The following TNNI3K variants were observed in gnomAD, a reference collection of about 807,000 sequenced individuals.
TNNI3K encodes TNNI3 interacting kinase.
Under a neutral mutation model 114.5 loss-of-function variants are expected in TNNI3K, and 140 were observed. The ratio of observed to expected loss-of-function variants is 1.22; its 90% confidence interval spans 1.07 to 1.41. The LOEUF is 1.41. TNNI3K is among the 40% of genes most tolerant of loss of function. The probability of loss-of-function intolerance (pLI) is 0.00; values close to 1 mark genes in which losing one functional copy is unlikely to be tolerated. For missense variants in TNNI3K, 1,125 were observed against 1,007.6 expected (o/e 1.12, Z -1.58); for synonymous variants, 347 against 347.5 (o/e 1.00, Z 0.02).
At chr1:74,355,265 A>G (rs570823780) in intron 11 of TNNI3K, among the ~76,000 whole-genome samples, 2 of 152,308 alleles carry the variant, frequency 1.3e-5, no homozygotes, top group Non-Finnish European at 2.9e-5. Context: ...TTATTAAGCT[A>G]TAAGATTTCC....
intron 5 of TNNI3K, among the ~76,000 whole-genome samples, chr1:74,296,059 A>C (rs1246639400): frequency 6.7e-6 from 1 of 150,266 alleles, no homozygotes; most frequent in African/African-American, 2.5e-5. Flanking sequence ...GCGGATCACA[A>C]GGTCAGAAGA....
At chr1:74,327,340 A>G (rs1474856031) in intron 5 of TNNI3K, among the ~76,000 whole-genome samples, 4 of 149,774 alleles carry the variant, frequency 2.7e-5, no homozygotes, top group Non-Finnish European at 5.9e-5. Context: ...GTACCAAGTT[A>G]CCAGCCCATA....
intron 5 of TNNI3K, among the ~76,000 whole-genome samples, chr1:74,310,365 G>T (rs1658913710): frequency 6.6e-6 from 1 of 152,114 alleles, no homozygotes; most frequent in Non-Finnish European, 1.5e-5. Context: ...ATGGATTGGA[G>T]AAATCAATTA....
At chr1:74,342,750 G>A (rs1660809696) in intron 7 of TNNI3K, 92 bp from the exon 8 acceptor site, 2 of 1,471,506 alleles carry the variant, frequency 1.4e-6, no homozygotes, top group South Asian at 2.6e-5. Context: ...GAATCACTCA[G>A]GCACTTAGAA....
intron 5 of TNNI3K, among the ~76,000 whole-genome samples, chr1:74,309,297 G>T (rs1254528796): frequency 7.3e-6 from 1 of 136,828 alleles, no homozygotes; most frequent in Admixed American, 7.9e-5. Context: ...GAACCCCAGG[G>T]GGCGGAGCCT....
At chr1:74,533,432 G>A (rs1190955910) in intron 23 of TNNI3K, among the ~76,000 whole-genome samples, 2 of 152,162 alleles carry the variant, frequency 1.3e-5, no homozygotes, top group Non-Finnish European at 2.9e-5. Flanking sequence ...GAGAGGATGT[G>A]GAGAAATAGG....
chr1:74,372,726 T>G (rs1662679855), intron 17 of TNNI3K: 1 of 151,902 alleles, frequency 6.6e-6, no homozygotes, highest in Non-Finnish European at 1.5e-5. Context: ...ATTGCAAGTT[T>G]TCTCTAGCTG....
At chr1:74,399,243 G>A (rs115134140) in intron 17 of TNNI3K, among the ~76,000 whole-genome samples, 1,976 of 150,610 alleles carry the variant, frequency 0.013, 27 homozygotes, top group Middle Eastern at 0.05. Flanking sequence ...CTTAGGATTA[G>A]GACAACCCCA....
intron 4 of TNNI3K, among the ~76,000 whole-genome samples, chr1:74,257,466 A>G (rs1018657786): frequency 3.9e-5 from 6 of 152,068 alleles, no homozygotes; most frequent in Non-Finnish European, 2.9e-5. Flanking sequence ...GCTAGAAATT[A>G]TGTATTATGT....
intron 17 of TNNI3K, chr1:74,373,822 C>T (rs1291920252): frequency 6.6e-6 from 1 of 151,736 alleles, no homozygotes; most frequent in Admixed American, 6.6e-5. Context: ...TCTACTTTTC[C>T]CATGGCAAGC....
At chr1:74,340,887 A>G (rs960334959) in intron 7 of TNNI3K, among the ~76,000 whole-genome samples, 53 of 152,316 alleles carry the variant, frequency 3.5e-4, no homozygotes, top group African/African-American at 1.0e-3. Context: ...ATTCTTCTGA[A>G]TGAAAGGCGT....
chr1:74,476,070 T>G lies in TNNI3K; in HGVS notation c.2121+12520T>G, dbSNP rs547130501. Among the ~76,000 whole-genome samples the G allele has an allele frequency of 4.6e-5, 7 of 152,300 alleles. No individual in the cohort carries two copies. In the South Asian group the frequency reaches 1.4e-3, roughly 32 times the overall value. On this transcript the variant is annotated intron_variant, in intron 21 of 24. Transcript: ENST00000326637. ...GAATCTCTTTGGTAGAAAAAAAGGC[T>G]GTTTCATGAACTGAAACTCATTTAA...
intron 23 of TNNI3K, among the ~76,000 whole-genome samples, chr1:74,523,441 C>CT (rs45556631): frequency 0.41 from 62,006 of 151,260 alleles, 15,070 homozygotes; most frequent in Non-Finnish European, 0.56. Flanking sequence ...TAAGATTTTT[C>CT]TTTTTTTTAA....
At chr1:74,345,185 G>A (rs765637547) in intron 9 of TNNI3K, among the ~76,000 whole-genome samples, 16 of 152,006 alleles carry the variant, frequency 1.1e-4, no homozygotes, top group African/African-American at 1.7e-4. Context: ...GTTATGGATC[G>A]TATTTATAAT....
intron 4 of TNNI3K, among the ~76,000 whole-genome samples, chr1:74,251,674 C>T (rs1654934660): frequency 2.0e-5 from 3 of 152,104 alleles, no homozygotes; most frequent in South Asian, 2.1e-4. Flanking sequence ...TGTGTGTGCA[C>T]GTGTGGGAGG....
intron 23 of TNNI3K, among the ~76,000 whole-genome samples, chr1:74,517,193 T>TA (rs148042128): frequency 6.6e-6 from 1 of 151,262 alleles, no homozygotes; most frequent in Non-Finnish European, 1.5e-5. Context: ...GGTAACTCTT[T>TA]AAAAAAAAAG....
chr1:74,480,918 A>C (rs1325518791), intron 21 of TNNI3K: 1 of 717,226 alleles, frequency 1.4e-6, no homozygotes, highest in African/African-American at 1.7e-5. Context: ...CTCTCAATAG[A>C]GGAGAGATAT....
chr1:74,491,302 C>A (rs887737472), intron 22 of TNNI3K, among the ~76,000 whole-genome samples: 2 of 152,198 alleles, frequency 1.3e-5, no homozygotes, highest in Admixed American at 6.5e-5. Context: ...TCACTGCAAC[C>A]TCTGCCTCCC....
chr1:74,537,106 T>G (rs1353720585), intron 23 of TNNI3K, among the ~76,000 whole-genome samples: 2 of 152,190 alleles, frequency 1.3e-5, no homozygotes, highest in Non-Finnish European at 2.9e-5. Flanking sequence ...TCGTTTGACA[T>G]GGATTGCATT....
Sources: allele counts gnomAD v4.1 joint callset (sites outside exome capture counted in the v4.1 genomes callset), GRCh38; gene constraint gnomAD v4.1.1; transcripts MANE v1.5; gene names NCBI Gene and HGNC (gene_info 2026-07-23, HGNC 2026-07-21).